Variants in COL11A1 observed in about 807,000 individuals in gnomAD.
COL11A1 encodes the protein collagen type XI alpha 1 chain.
In COL11A1, 74 loss-of-function variants were observed where a neutral mutation model predicts 265.2. The ratio of observed to expected loss-of-function variants is 0.28; its 90% CI spans 0.23 to 0.34. The LOEUF is 0.34. Ranked by LOEUF, COL11A1 falls within the 10% of genes least tolerant of loss-of-function variation. The probability of loss-of-function intolerance (pLI) is 1.00; values close to 1 mark genes in which losing one functional copy is unlikely to be tolerated. For missense variants in COL11A1, 2,165 were observed against 2,263.6 expected (o/e 0.96, Z 0.88); for synonymous variants, 816 against 727.6 (o/e 1.12, Z -1.96).
At chr1:103,086,793 A>G (rs1672911878) in intron 1 of COL11A1, among the ~76,000 whole-genome samples, 1 of 142,742 alleles carries the variant, frequency 7.0e-6, no homozygotes, top group Non-Finnish European at 1.5e-5. Context: ...ACATATAATA[A>G]AGGTATCAAC....
Position 102,962,288 on chromosome 1 carries a change from T to A in COL11A1, c.3025-23A>T, listed in dbSNP as rs55682104. 157,551 of 1,545,698 alleles carry A rather than the reference T, an allele frequency of 0.1. 8,988 individuals carry two copies. Among genetic ancestry groups the A allele is most frequent in the South Asian group, 0.12 (11,024 of 89,718 alleles). On this transcript the variant is annotated intron_variant, in intron 39 of 66. Coordinates refer to ENST00000370096, the MANE Select transcript of COL11A1 (RefSeq NM_001854.4). ...ACCCTAAAGAATATAATAAACATCGTCAAGACAGATTAATTTCTACACATC... is the reference window on the plus strand; with the variant it reads ...ACCCTAAAGAATATAATAAACATCGACAAGACAGATTAATTTCTACACATC...
intron 54 of COL11A1, among the ~76,000 whole-genome samples, chr1:102,900,079 T>C (rs920170314): frequency 1.3e-5 from 2 of 152,000 alleles, no homozygotes; most frequent in African/African-American, 2.4e-5. Context: ...ATAAAATGAG[T>C]ATCAAGCACT....
At chr1:102,880,604 A>G (rs933012593) in intron 65 of COL11A1, among the ~76,000 whole-genome samples, 10 of 152,140 alleles carry the variant, frequency 6.6e-5, no homozygotes, top group Admixed American at 6.6e-5. Context: ...ATTTATTAGC[A>G]ACTGTCTCAT....
intron 4 of COL11A1, among the ~76,000 whole-genome samples, chr1:103,071,449 T>G (rs1367459615): frequency 6.0e-5 from 9 of 150,282 alleles, no homozygotes; most frequent in Non-Finnish European, 1.0e-4. Context: ...TCAAGGCTGT[T>G]GATTTGTGTT....
At chr1:103,012,215 A>G (rs556052011) in intron 14 of COL11A1, among the ~76,000 whole-genome samples, 198 bp downstream of exon 14, 3 of 152,290 alleles carry the variant, frequency 2.0e-5, no homozygotes, top group Non-Finnish European at 4.4e-5. Context: ...TTCAATTTAA[A>G]ATTTTTTACT....
chr1:103,092,856 C>T (rs1424588276), intron 1 of COL11A1, among the ~76,000 whole-genome samples: 1 of 152,004 alleles, frequency 6.6e-6, no homozygotes, highest in Non-Finnish European at 1.5e-5. Context: ...TCATGACACA[C>T]ACATACATAC....
At chr1:102,986,442 T>G (rs1040903336) in intron 30 of COL11A1, among the ~76,000 whole-genome samples, 1 of 148,142 alleles carries the variant, frequency 6.8e-6, no homozygotes, top group Non-Finnish European at 1.5e-5. Flanking sequence ...AGGGATAGCA[T>G]TAGGAGATAT....
At position 102,888,762 on chromosome 1, in the gene COL11A1, C is replaced by G; in HGVS notation, c.4519-4G>C. ...TACCCTTTGGGCCTTGAGGACCCTACAAAATGCAAATGCAAAAGCACAGAT... is the reference window on the plus strand; with the variant it reads ...TACCCTTTGGGCCTTGAGGACCCTAGAAAATGCAAATGCAAAAGCACAGAT... On this transcript the variant is annotated splice_polypyrimidine_tract_variant and splice_region_variant and intron_variant, in intron 60 of 66. Transcript: ENST00000370096. The G allele has an allele frequency of 6.2e-7, 1 of 1,613,896 alleles. No homozygotes were observed. The highest frequency in any genetic ancestry group is 8.5e-7 in the Non-Finnish European group (1 of 1,179,862).
chr1:102,889,444 T>G lies in COL11A1; in HGVS notation c.4464+11A>C. 6.3e-7 allele frequency: 1 copy of G among 1,575,826 alleles called. No individual in the cohort carries two copies. Among genetic ancestry groups the G allele is most frequent in the Non-Finnish European group, 8.7e-7 (1 of 1,146,570 alleles). ...AAATGAGTAGAAAAAATAACCTATA[T>G]TTTTACTCACCCCATCCCCTTTTGC... On this transcript the variant is annotated intron_variant, in intron 59 of 66. Transcript: ENST00000370096.
chr1:102,935,462 T>C (rs1658042880), intron 44 of COL11A1, among the ~76,000 whole-genome samples: 1 of 152,160 alleles, frequency 6.6e-6, no homozygotes, highest in African/African-American at 2.4e-5. Flanking sequence ...TAAATATGAT[T>C]AGGAAAGGGC....
At chr1:103,075,620 T>A (rs1426744988) in intron 3 of COL11A1, among the ~76,000 whole-genome samples, 2 of 152,138 alleles carry the variant, frequency 1.3e-5, no homozygotes, top group Admixed American at 1.3e-4. Flanking sequence ...ATTAACAATG[T>A]ATAGTGCTAA....
chr1:102,920,430 T>A, intron 48 of COL11A1, 66 bp from the exon 49 acceptor site: 1 of 1,369,408 alleles, frequency 7.3e-7, no homozygotes, highest in South Asian at 1.2e-5. Context: ...CGTAAACATA[T>A]GTCTAGTTGT....
At chr1:103,037,681 T>C (rs1157596823) in intron 4 of COL11A1, among the ~76,000 whole-genome samples, 1 of 152,202 alleles carries the variant, frequency 6.6e-6, no homozygotes, top group Non-Finnish European at 1.5e-5. Flanking sequence ...TGATCTTCTC[T>C]CTTAAATTTT....
chr1:102,946,781 T>A, intron 42 of COL11A1, 68 bp downstream of exon 42: 1 of 1,247,320 alleles, frequency 8.0e-7, no homozygotes. Flanking sequence ...AAGCTAATAT[T>A]ATTGAATAAA....
At chr1:102,981,795 A>T (rs114960756) in intron 31 of COL11A1, among the ~76,000 whole-genome samples, 3,551 of 152,104 alleles carry the variant, frequency 0.023, 56 homozygotes, top group Middle Eastern at 0.082. Context: ...AAGGTATCCT[A>T]CCTTAAAATA....
At position 102,922,102 on chromosome 1, in the gene COL11A1, G is replaced by T. The variant is rs533209647; in HGVS notation, c.3655-531C>A. On this transcript the variant is annotated intron_variant, in intron 47 of 66. Transcript: ENST00000370096. The stretch of plus-strand genomic sequence containing the variant: ...CTGACAGTGCAGTAAAATTAACTTG[G>T]AAAACTTTTTATAAAATACTGATGC... Among the ~76,000 whole-genome samples the T allele has an allele frequency of 8.5e-5, 13 of 152,164 alleles. No homozygotes were observed. The South Asian group carries it at 2.7e-3, about 32-fold the overall frequency.
At position 103,025,898 on chromosome 1, in the gene COL11A1, C is replaced by G. The variant is rs370745781; in HGVS notation, c.898-285G>C. ...GGGGGTGTAAACTTTTTGGATTTTTCCTTTGATTTAGTAGCCACTGTCCTC... is the reference window on the plus strand; with the variant it reads ...GGGGGTGTAAACTTTTTGGATTTTTGCTTTGATTTAGTAGCCACTGTCCTC... On this transcript the variant is annotated intron_variant, in intron 6 of 66. Coordinates refer to ENST00000370096, the MANE Select transcript of COL11A1 (RefSeq NM_001854.4). The G allele has an allele frequency of 4.3e-6, 7 of 1,612,478 alleles. No homozygotes were observed. The African/African-American group carries it at 8.0e-5, about 19-fold the overall frequency.
chr1:103,055,641 T>G (rs1185090124), intron 4 of COL11A1, among the ~76,000 whole-genome samples: 1 of 152,196 alleles, frequency 6.6e-6, no homozygotes, highest in African/African-American at 2.4e-5. Context: ...TACATTAAGC[T>G]TGTCCAACCC....
At chr1:102,971,638 G>T (rs1264280789) in intron 36 of COL11A1, among the ~76,000 whole-genome samples, 1 of 151,926 alleles carries the variant, frequency 6.6e-6, no homozygotes, top group Non-Finnish European at 1.5e-5. Context: ...TTCTCAAATA[G>T]CTTTCTTCCA....
Sources: gnomAD v4.1 joint callset for allele counts (sites outside exome capture counted in the v4.1 genomes callset) on GRCh38, gnomAD v4.1.1 for gene constraint, MANE v1.5 for transcripts, NCBI Gene and HGNC (gene_info 2026-07-23, HGNC 2026-07-21) for gene names.